Variants in MTUS2 observed in about 807,000 individuals in gnomAD.
The protein encoded by MTUS2 is microtubule associated scaffold protein 2.
In MTUS2, 40 loss-of-function variants were observed where a neutral mutation model predicts 114.1. The ratio of observed to expected loss-of-function variants is 0.35; its 90% CI spans 0.27 to 0.46. The LOEUF is 0.46. Among genes scored for constraint, MTUS2 ranks in the 20% least tolerant of loss-of-function variants. The probability of loss-of-function intolerance (pLI) is 1.00; values close to 1 mark genes in which losing one functional copy is unlikely to be tolerated. For synonymous variants in MTUS2, 688 were observed against 672.0 expected, an observed-to-expected ratio of 1.02 and a Z score of -0.37; for missense variants, 1,679 against 1,705.4, an observed-to-expected ratio of 0.98 and a Z score of 0.27.
At chr13:29,497,431 C>T in intron 13 of MTUS2, 95 bp downstream of exon 13, 2 of 1,047,522 alleles carry the variant, frequency 1.9e-6, no homozygotes, top group South Asian at 2.8e-5. Flanking sequence ...GACAAGGCCT[C>T]TCTGTGAATC....
At chr13:28,958,849 A>C (rs1453182328) in intron 2 of MTUS2, among the ~76,000 whole-genome samples, 1 of 152,262 alleles carries the variant, frequency 6.6e-6, no homozygotes, top group Non-Finnish European at 1.5e-5. Flanking sequence ...TGTGTTTCAG[A>C]AGGATAAGGC....
intron 1 of MTUS2, among the ~76,000 whole-genome samples, chr13:28,820,913 A>G (rs1426248815): frequency 6.6e-6 from 1 of 152,122 alleles, no homozygotes; most frequent in Non-Finnish European, 1.5e-5. Flanking sequence ...AGCTTTGGAT[A>G]ATTTGGTCTG....
intron 2 of MTUS2, among the ~76,000 whole-genome samples, chr13:28,871,751 TG>T (rs560532236): frequency 2.0e-5 from 3 of 152,068 alleles, no homozygotes; most frequent in Admixed American, 6.6e-5. Flanking sequence ...ATTGCTGAAG[TG>T]GGGGGATTAC....
intron 5 of MTUS2, among the ~76,000 whole-genome samples, chr13:29,121,272 A>T (rs1220019204): frequency 2.0e-5 from 3 of 152,232 alleles, no homozygotes; most frequent in African/African-American, 7.2e-5. Context: ...AATATTAATT[A>T]AGAGCCCATT....
intron 5 of MTUS2, among the ~76,000 whole-genome samples, chr13:29,269,608 G>T (rs189973032): frequency 6.6e-6 from 1 of 152,286 alleles, no homozygotes; most frequent in African/African-American, 2.4e-5. Context: ...TATACTGTCG[G>T]TGAGCGTGTA....
At chr13:29,097,335 G>C (rs1890219789) in intron 4 of MTUS2, among the ~76,000 whole-genome samples, 1 of 152,182 alleles carries the variant, frequency 6.6e-6, no homozygotes, top group Admixed American at 6.5e-5. Flanking sequence ...TATTTTACCA[G>C]TTATGTTTGT....
intron 2 of MTUS2, among the ~76,000 whole-genome samples, chr13:28,945,954 T>C (rs1454009022): frequency 4.6e-5 from 7 of 152,214 alleles, no homozygotes; most frequent in East Asian, 1.9e-4. Flanking sequence ...TAGTGGTCTT[T>C]TAGGACTCTG....
intron 2 of MTUS2, among the ~76,000 whole-genome samples, chr13:28,851,161 C>T (rs916645712): frequency 1.3e-5 from 2 of 152,102 alleles, no homozygotes; most frequent in African/African-American, 4.8e-5. Context: ...AGCAGTAAAG[C>T]CTTTACTTAT....
chr13:29,198,260 AG>A (rs1332514006), intron 5 of MTUS2, among the ~76,000 whole-genome samples: 2 of 152,226 alleles, frequency 1.3e-5, no homozygotes, highest in Non-Finnish European at 2.9e-5. Flanking sequence ...GGTGTAAGGA[AG>A]GGGTCTGGTT....
chr13:29,043,760 A>T (rs1195577542), intron 4 of MTUS2, among the ~76,000 whole-genome samples: 1 of 121,038 alleles, frequency 8.3e-6, no homozygotes, highest in Admixed American at 9.2e-5. Flanking sequence ...ACTTTAAACA[A>T]TAAAGTCTGA....
At chr13:29,425,584 C>T (rs1055345703) in intron 8 of MTUS2, among the ~76,000 whole-genome samples, 2 of 152,096 alleles carry the variant, frequency 1.3e-5, no homozygotes, top group African/African-American at 4.8e-5. Context: ...AACAAGTGTG[C>T]CAACACCTTG....
At chr13:29,428,385 T>C (rs1249911572) in intron 8 of MTUS2, among the ~76,000 whole-genome samples, 1 of 152,272 alleles carries the variant, frequency 6.6e-6, no homozygotes, top group Admixed American at 6.5e-5. Context: ...TTGTGCTTCC[T>C]GCGTCCGCTC....
At chr13:28,991,807 G>A (rs1416048940) in intron 2 of MTUS2, among the ~76,000 whole-genome samples, 5 of 152,106 alleles carry the variant, frequency 3.3e-5, no homozygotes, top group African/African-American at 1.2e-4. Flanking sequence ...TGGGTTGGAG[G>A]CAGCACCCAG....
chr13:29,390,843 C>T (rs1483310496), intron 8 of MTUS2, among the ~76,000 whole-genome samples: 1 of 151,540 alleles, frequency 6.6e-6, no homozygotes, highest in Non-Finnish European at 1.5e-5. Flanking sequence ...AGTGCAGTGG[C>T]ACGACCTTGG....
chr13:29,053,849 C>CTT lies in MTUS2; in HGVS notation c.2446+19725_2446+19726insTT, dbSNP rs1176836930. On this transcript the variant is annotated intron_variant, in intron 4 of 15. Transcript: ENST00000612955. ...TTTGGGTTATTTTCAGTTTTTGGCT[C>CTT]TAACAAATGAAGGTGCTATGAATGT... Among the ~76,000 whole-genome samples, 4 of 152,242 alleles carry CTT rather than the reference C, an allele frequency of 2.6e-5. No individual in the cohort carries two copies. In the South Asian group the frequency reaches 8.3e-4, roughly 32 times the overall value.
intron 5 of MTUS2, among the ~76,000 whole-genome samples, chr13:29,222,992 G>A (rs1278898082): frequency 6.6e-6 from 1 of 152,200 alleles, no homozygotes; most frequent in African/African-American, 2.4e-5. Context: ...AGGACTAAGG[G>A]TGGCTCAGTG....
intron 5 of MTUS2, among the ~76,000 whole-genome samples, chr13:29,274,484 C>T (rs1897988501): frequency 6.6e-6 from 1 of 152,092 alleles, no homozygotes; most frequent in African/African-American, 2.4e-5. Context: ...ACTCCCATAG[C>T]AATGTATGAA....
At chr13:29,176,680 G>C (rs1893787068) in intron 5 of MTUS2, among the ~76,000 whole-genome samples, 1 of 152,058 alleles carries the variant, frequency 6.6e-6, no homozygotes, top group South Asian at 2.1e-4. Context: ...CTTTCACGAG[G>C]GCTCCACCCT....
At chr13:29,320,443 G>T (rs926797909) in intron 6 of MTUS2, among the ~76,000 whole-genome samples, 85 of 152,218 alleles carry the variant, frequency 5.6e-4, no homozygotes, top group African/African-American at 2.0e-3. Flanking sequence ...CAGTGGTAAT[G>T]GGAAAACTAA....
Sources: allele counts gnomAD v4.1 joint callset (sites outside exome capture counted in the v4.1 genomes callset), GRCh38; gene constraint gnomAD v4.1.1; transcripts MANE v1.5; gene names NCBI Gene and HGNC (gene_info 2026-07-23, HGNC 2026-07-21).